Variants in OTUD7A observed in about 807,000 individuals in gnomAD.
OTUD7A encodes the protein OTU deubiquitinase 7A.
A neutral mutation model predicts 65.7 loss-of-function variants in OTUD7A; 12 were observed. That is an observed-to-expected ratio of 0.18 (90% CI 0.12 to 0.30). The LOEUF is 0.30. Among genes scored for constraint, OTUD7A ranks in the 10% least tolerant of loss-of-function variants. OTUD7A has a pLI of 1.00. For missense variants in OTUD7A, 1,148 were observed against 1,304.8 expected (o/e 0.88, Z 1.85); for synonymous variants, 641 against 586.3 (o/e 1.09, Z -1.35).
At chr15:31,501,898 G>C in intron 9 of OTUD7A, 59 bp from the exon 10 acceptor site, 1 of 1,538,590 alleles carries the variant, frequency 6.5e-7, no homozygotes, top group Non-Finnish European at 8.8e-7. Context: ...TGGGAGGGGA[G>C]GCCCCTGCAT....
At position 31,604,990 on chromosome 15, in the gene OTUD7A, C is replaced by T. The variant is rs149925583; in HGVS notation, c.152-34793G>A. ...GACGAGCAGAGCAGCCCGGGAGGCA[C>T]AGGGCGGAACAAAGGCTCTGCTCTG... On this transcript the variant is annotated intron_variant, in intron 3 of 12. Transcript: ENST00000307050. Among the ~76,000 whole-genome samples, 808 of 152,332 alleles carry T rather than the reference C, an allele frequency of 5.3e-3. 2 individuals are homozygous for T. Among genetic ancestry groups the T allele is most frequent in the Non-Finnish European group, 8.7e-3 (590 of 68,032 alleles).
chr15:31,619,000 C>A (rs1022482820), intron 3 of OTUD7A, among the ~76,000 whole-genome samples: 1 of 152,196 alleles, frequency 6.6e-6, no homozygotes, highest in African/African-American at 2.4e-5. Context: ...TATGGCTAGC[C>A]AGTTTTCCCA....
chr15:31,561,035 A>C (rs529969126), intron 4 of OTUD7A, among the ~76,000 whole-genome samples: 58 of 152,352 alleles, frequency 3.8e-4, no homozygotes, highest in Non-Finnish European at 6.3e-4. Context: ...AGGTTCATGT[A>C]TTTTTCCCAT....
At chr15:31,618,818 G>A (rs1890678993) in intron 3 of OTUD7A, among the ~76,000 whole-genome samples, 1 of 152,158 alleles carries the variant, frequency 6.6e-6, no homozygotes, top group Admixed American at 6.5e-5. Context: ...TGTTGCCATT[G>A]CTTTTGGTGT....
At chr15:31,633,136 C>T (rs1891231944) in intron 3 of OTUD7A, among the ~76,000 whole-genome samples, 1 of 152,204 alleles carries the variant, frequency 6.6e-6, no homozygotes, top group African/African-American at 2.4e-5. Flanking sequence ...CTGTCCTGCA[C>T]CCACTGTGTG....
At chr15:31,615,450 T>C (rs754678264) in intron 3 of OTUD7A, among the ~76,000 whole-genome samples, 6 of 152,112 alleles carry the variant, frequency 3.9e-5, no homozygotes, top group Non-Finnish European at 8.8e-5. Flanking sequence ...TCAAATTATA[T>C]AAAGGAAAAA....
At chr15:31,774,795 A>C (rs905431) in intron 1 of OTUD7A, among the ~76,000 whole-genome samples, 2 of 152,078 alleles carry the variant, frequency 1.3e-5, no homozygotes, top group Admixed American at 6.5e-5. Context: ...TATTTTCACC[A>C]TAACAGCAAA....
At chr15:31,821,809 G>A (rs1373873116) in intron 1 of OTUD7A, among the ~76,000 whole-genome samples, 1 of 152,182 alleles carries the variant, frequency 6.6e-6, no homozygotes, top group Non-Finnish European at 1.5e-5. Flanking sequence ...ACACATCCTA[G>A]TGGATGTAAA....
intron 8 of OTUD7A, among the ~76,000 whole-genome samples, chr15:31,519,556 G>A (rs1311271717): frequency 6.6e-6 from 1 of 152,156 alleles, no homozygotes; most frequent in Non-Finnish European, 1.5e-5. Flanking sequence ...ACTTAATGGG[G>A]AAAAGTTGAA....
Position 31,484,597 on chromosome 15 carries a change from C to G in OTUD7A, c.1499G>C (p.Gly500Ala), listed in dbSNP as rs1479349806. The change falls in exon 13 of 13, where the codon GGC becomes GCC. Residue 500 changes from glycine to alanine, a missense_variant. Gly to Ala is a moderately conservative substitution (Grantham distance 60). Transcript: ENST00000307050. This position sits in a 1 kb window ranked among gnomAD's most constrained non-coding sequence, Gnocchi z 4.5. ...SNSNSNNGKNGKDKEKEKQRK... is the reference protein window; with the variant it reads ...SNSNSNNGKNAKDKEKEKQRK... ...CTGCTTCTCCTTCTCCTTGTCCTTGCCGTTCTTGCCGTTATTGCTGTTAGA... is the reference window on the plus strand; with the variant it reads ...CTGCTTCTCCTTCTCCTTGTCCTTGGCGTTCTTGCCGTTATTGCTGTTAGA... 6.2e-7 allele frequency: 1 copy of G among 1,606,528 alleles called. No individual in the cohort carries two copies. The highest frequency in any genetic ancestry group is 2.2e-5 in the East Asian group (1 of 44,706).
intron 10 of OTUD7A, among the ~76,000 whole-genome samples, chr15:31,488,093 G>A (rs2041266382): frequency 6.6e-6 from 1 of 152,184 alleles, no homozygotes; most frequent in Non-Finnish European, 1.5e-5. Flanking sequence ...GCTCACCTGT[G>A]CTGGGGACAG....
At chr15:31,833,467 G>C (rs1896983741) in intron 1 of OTUD7A, among the ~76,000 whole-genome samples, 1 of 152,214 alleles carries the variant, frequency 6.6e-6, no homozygotes, top group African/African-American at 2.4e-5. Flanking sequence ...TATAAAATCT[G>C]TATCCAGGCT....
intron 3 of OTUD7A, among the ~76,000 whole-genome samples, chr15:31,586,621 A>G (rs1212961536): frequency 6.6e-6 from 1 of 152,098 alleles, no homozygotes; most frequent in Non-Finnish European, 1.5e-5. Flanking sequence ...GGGCAGTGTA[A>G]GTCTGAAGAG....
chr15:31,851,004 T>C (rs1218354440), intron 1 of OTUD7A, among the ~76,000 whole-genome samples: 1 of 152,166 alleles, frequency 6.6e-6, no homozygotes, highest in East Asian at 1.9e-4. Context: ...GCTCAGGTAA[T>C]AAATGATTAC....
At chr15:31,537,129 T>C (rs1378470308) in intron 5 of OTUD7A, among the ~76,000 whole-genome samples, 1 of 152,202 alleles carries the variant, frequency 6.6e-6, no homozygotes, top group Admixed American at 6.5e-5. Flanking sequence ...GCGAGTAAGC[T>C]TGAAAATTAA....
At chr15:31,527,795 C>T (rs892828625) in intron 6 of OTUD7A, among the ~76,000 whole-genome samples, 3 of 152,210 alleles carry the variant, frequency 2.0e-5, no homozygotes, top group South Asian at 2.1e-4. Flanking sequence ...AGAAGCAGAG[C>T]GTCAGTGACA....
At chr15:31,712,207 G>A (rs1254401183) in intron 1 of OTUD7A, among the ~76,000 whole-genome samples, 2 of 150,384 alleles carry the variant, frequency 1.3e-5, no homozygotes, top group East Asian at 4.0e-4. Context: ...CCTTTAAAAT[G>A]CATTTAGTTG....
chr15:31,789,169 C>A (rs1267943330), intron 1 of OTUD7A, among the ~76,000 whole-genome samples: 1 of 152,154 alleles, frequency 6.6e-6, no homozygotes, highest in Non-Finnish European at 1.5e-5. Context: ...CTTCTAGCAG[C>A]CACTCTAAGC....
chr15:31,591,903 T>C (rs1889735777), intron 3 of OTUD7A, among the ~76,000 whole-genome samples: 1 of 151,988 alleles, frequency 6.6e-6, no homozygotes, highest in Non-Finnish European at 1.5e-5. Flanking sequence ...TACAGCCTAC[T>C]GCTCCTAGGC....
Sources: allele counts gnomAD v4.1 joint callset (sites outside exome capture counted in the v4.1 genomes callset), GRCh38; gene constraint gnomAD v4.1.1; non-coding constraint Gnocchi (gnomAD v3.1); transcripts MANE v1.5; gene names NCBI Gene and HGNC (gene_info 2026-07-23, HGNC 2026-07-21).